ACAP2: variants seen among roughly 807,000 people sequenced by gnomAD.
ACAP2 encodes arf-GAP with coiled-coil, ANK repeat and PH domain-containing protein 2.
A neutral mutation model predicts 115.8 loss-of-function variants in ACAP2; 39 were observed. The ratio of observed to expected loss-of-function variants is 0.34; its 90% CI spans 0.26 to 0.44. The LOEUF is 0.44. Ranked by LOEUF, ACAP2 falls within the 20% of genes least tolerant of loss-of-function variation. The probability of loss-of-function intolerance (pLI) is 1.00; values close to 1 mark genes in which losing one functional copy is unlikely to be tolerated. For missense variants in ACAP2, 662 were observed against 927.6 expected, an observed-to-expected ratio of 0.71 and a Z score of 3.72; for synonymous variants, 289 against 315.8, an observed-to-expected ratio of 0.92 and a Z score of 0.90.
chr3:195,430,619 G>C (rs748178814), intron 1 of ACAP2, among the ~76,000 whole-genome samples: 21 of 152,112 alleles, frequency 1.4e-4, no homozygotes, highest in Non-Finnish European at 2.8e-4. Context: ...GGAGGCTGAG[G>C]CAGGAGAATC....
chr3:195,358,529 A>C (rs540168738), intron 4 of ACAP2, among the ~76,000 whole-genome samples: 186 of 152,212 alleles, frequency 1.2e-3, no homozygotes, highest in African/African-American at 4.1e-3. Context: ...AATTTAACAA[A>C]GAAATAATTT....
intron 9 of ACAP2, among the ~76,000 whole-genome samples, chr3:195,324,609 C>G (rs1190600454): frequency 6.6e-6 from 1 of 152,070 alleles, no homozygotes; most frequent in Non-Finnish European, 1.5e-5. Context: ...CAAAAATTAG[C>G]TAGGCATGGT....
At position 195,275,118 on chromosome 3, in the gene ACAP2, G is replaced by C. The variant is rs900323354; in HGVS notation, c.*4210C>G. ...TTAGCCTTTGTGTAAAATAAATGGTGCCAACAATCTTTATAATGTAGCAAG... is the reference window on the plus strand; with the variant it reads ...TTAGCCTTTGTGTAAAATAAATGGTCCCAACAATCTTTATAATGTAGCAAG... On this transcript the variant is annotated 3_prime_UTR_variant, in exon 23 of 23. Transcript: ENST00000326793. 2 of 152,622 alleles carry C rather than the reference G, an allele frequency of 1.3e-5. No individual in the cohort carries two copies. Among genetic ancestry groups the C allele is most frequent in the African/African-American group, 4.8e-5 (2 of 41,446 alleles). The allele number at this position is 152,622 out of a possible 1,614,324, so 9.5% of individuals were successfully genotyped here.
At chr3:195,323,721 G>T (rs908030735) in intron 9 of ACAP2, among the ~76,000 whole-genome samples, 1 of 152,096 alleles carries the variant, frequency 6.6e-6, no homozygotes, top group African/African-American at 2.4e-5. Context: ...CTGGACTCAG[G>T]GAGCTGGAGA....
intron 1 of ACAP2, among the ~76,000 whole-genome samples, chr3:195,398,025 A>T (rs1711949369): frequency 6.6e-6 from 1 of 152,240 alleles, no homozygotes. Flanking sequence ...TTACTGGAAG[A>T]GAGACAAAAA....
chr3:195,288,596 A>G (rs530143471), intron 21 of ACAP2, among the ~76,000 whole-genome samples: 3 of 152,218 alleles, frequency 2.0e-5, no homozygotes, highest in African/African-American at 4.8e-5. Context: ...GGTGGCTCAC[A>G]CCTGTAATCC....
At chr3:195,442,391 G>A (rs1414254778) in intron 1 of ACAP2, 4 of 264,646 alleles carry the variant, frequency 1.5e-5, no homozygotes, top group Admixed American at 5.6e-5. Flanking sequence ...GGTGGGGAGG[G>A]GGTGGAAACC....
At chr3:195,420,409 C>T (rs1416671507) in intron 1 of ACAP2, among the ~76,000 whole-genome samples, 3 of 152,080 alleles carry the variant, frequency 2.0e-5, no homozygotes, top group Admixed American at 6.5e-5. Flanking sequence ...AGTGCAGTGG[C>T]GCAATCTCGG....
rs371002137 is a variant in ACAP2, at chr3:195,295,899, G to A, written c.1488-7C>T. ...ATATGCCTCCTTCTCCTGTCTGACAGACATAAAAATGTCATGATGTTTTGC... is the reference window on the plus strand; with the variant it reads ...ATATGCCTCCTTCTCCTGTCTGACAAACATAAAAATGTCATGATGTTTTGC... On this transcript the variant is annotated splice_region_variant and splice_polypyrimidine_tract_variant and intron_variant, in intron 16 of 22. Coordinates refer to ENST00000326793, the MANE Select transcript of ACAP2 (RefSeq NM_012287.6). The A allele has an allele frequency of 1.2e-6, 2 of 1,600,894 alleles. No homozygotes were observed. The highest frequency in any genetic ancestry group is 2.2e-5 in the East Asian group (1 of 44,752).
chr3:195,391,486 A>G (rs940622941), intron 2 of ACAP2, among the ~76,000 whole-genome samples: 33 of 151,670 alleles, frequency 2.2e-4, no homozygotes, highest in Non-Finnish European at 4.3e-4. Context: ...TCAGCCTCCC[A>G]AAGTGCTGGG....
chr3:195,381,796 A>C, intron 3 of ACAP2, 107 bp downstream of exon 3: 1 of 1,326,512 alleles, frequency 7.5e-7, no homozygotes, highest in South Asian at 1.5e-5. Flanking sequence ...TTCTACTTCT[A>C]ATTTTAAGTA....
chr3:195,342,495 G>C lies in ACAP2; in HGVS notation c.504C>G (p.His168Gln). 6.2e-7 allele frequency: 1 copy of C among 1,609,020 alleles called. No homozygotes were observed. The highest frequency in any genetic ancestry group is 1.3e-5 in the African/African-American group (1 of 74,568). Reference protein sequence around the residue: ...ILTATRKCFRHIALDYVLQIN... With the variant: ...ILTATRKCFRQIALDYVLQIN... ...CCTGAAGCACATAATCGAGGGCTAT[G>C]TGTCGGAAACATTTTCTTGTTGCTG... The change falls in exon 6 of 23, where the codon CAC (histidine) becomes CAG (glutamine). Residue 168 changes from histidine to glutamine, a missense_variant. By Grantham distance (24) the His-to-Gln change is conservative. This residue lies in a region of ACAP2 where 401 missense variants were observed against 604.4 expected (regional missense o/e 0.66). Coordinates refer to ENST00000326793, the MANE Select transcript of ACAP2 (RefSeq NM_012287.6).
intron 10 of ACAP2, among the ~76,000 whole-genome samples, chr3:195,315,704 G>C (rs551198736): frequency 6.6e-6 from 1 of 152,132 alleles, no homozygotes; most frequent in Non-Finnish European, 1.5e-5. Context: ...GTCAATAACT[G>C]CCATTTCACT....
intron 7 of ACAP2, among the ~76,000 whole-genome samples, chr3:195,334,522 A>C (rs995936713): frequency 1.3e-5 from 2 of 152,186 alleles, no homozygotes; most frequent in African/African-American, 4.8e-5. Context: ...GATGTTATAA[A>C]TCAACATGAA....
chr3:195,321,869 T>A (rs773949750), intron 9 of ACAP2, among the ~76,000 whole-genome samples: 2 of 152,164 alleles, frequency 1.3e-5, no homozygotes, highest in Admixed American at 6.5e-5. Flanking sequence ...TGCCTCAGCC[T>A]CCCAAAGTGC....
chr3:195,323,336 G>T (rs930826748), intron 9 of ACAP2, among the ~76,000 whole-genome samples: 1 of 152,048 alleles, frequency 6.6e-6, no homozygotes, highest in Non-Finnish European at 1.5e-5. Context: ...ATAATTGAGA[G>T]ATAAATCAAT....
intron 15 of ACAP2, among the ~76,000 whole-genome samples, chr3:195,298,191 C>G (rs1577254272): frequency 6.6e-6 from 1 of 151,166 alleles, no homozygotes; most frequent in African/African-American, 2.4e-5. Flanking sequence ...GACCCAACAA[C>G]AGGAGTGAAG....
chr3:195,289,053 C>G (rs772014115), intron 21 of ACAP2, 68 bp downstream of exon 21: 1 of 1,273,018 alleles, frequency 7.9e-7, no homozygotes, highest in Admixed American at 2.1e-5. Context: ...AACTAATTCA[C>G]TGTGGATAAC....
At chr3:195,284,774 A>G (rs1225677102) in intron 22 of ACAP2, among the ~76,000 whole-genome samples, 8 of 152,226 alleles carry the variant, frequency 5.3e-5, no homozygotes, top group Admixed American at 4.6e-4. Flanking sequence ...TACTCATTGC[A>G]AACTGAATAT....
Sources: allele counts gnomAD v4.1 joint callset (sites outside exome capture counted in the v4.1 genomes callset), GRCh38; gene constraint gnomAD v4.1.1; regional missense constraint gnomAD v4.1.1; transcripts MANE v1.5; gene names NCBI Gene and HGNC (gene_info 2026-07-23, HGNC 2026-07-21).